The following TMEM87B variants were observed in gnomAD, a reference collection of about 807,000 sequenced individuals.
TMEM87B encodes transmembrane protein 87B.
TMEM87B carries 83 observed loss-of-function variants against 80.3 expected under a neutral mutation model. That is an observed-to-expected ratio of 1.03 (90% CI 0.87 to 1.24). The LOEUF is 1.24. TMEM87B is among the 50% of genes most tolerant of loss of function. The pLI, the probability that TMEM87B is intolerant of heterozygous loss-of-function variation, is 0.00. For missense variants in TMEM87B, 625 were observed against 674.4 expected, an observed-to-expected ratio of 0.93 and a Z score of 0.81; for synonymous variants, 219 against 230.5, an observed-to-expected ratio of 0.95 and a Z score of 0.45.
At position 112,098,667 on chromosome 2, in the gene TMEM87B, T is replaced by A; in HGVS notation, c.1345T>A (p.Phe449Ile). Residue 449 changes from phenylalanine to isoleucine, a missense_variant, in exon 14 of 19, where the codon TTT becomes ATT. Physicochemically the swap from Phe to Ile is conservative, Grantham distance 21. Coordinates refer to ENST00000283206, the MANE Select transcript of TMEM87B (RefSeq NM_032824.3). ...TTCGCTTATCCTTATTGTAATCATG[T>A]TTTTGTGGAGACCATCAGCAAACAA... ...LFSLILIVIM[F>I]LWRPSANNQR... 6.2e-7 allele frequency: 1 copy of A among 1,614,156 alleles called. No homozygotes were observed. Among genetic ancestry groups the A allele is most frequent in the Non-Finnish European group, 8.5e-7 (1 of 1,180,020 alleles).
intron 6 of TMEM87B, among the ~76,000 whole-genome samples, chr2:112,079,267 C>T (rs1011598200): frequency 2.0e-5 from 3 of 152,140 alleles, no homozygotes; most frequent in African/African-American, 7.2e-5. Flanking sequence ...CATCATCTGC[C>T]CATGCCTCCT....
rs138148746 is a variant in TMEM87B, at chr2:112,115,834, C to T, written c.1609-250C>T. ...AATTTTTTATAAGGATGAGGTCTCT[C>T]TATGTTGCCCAGGCCGGTCTCGAAC... On this transcript the variant is annotated intron_variant, in intron 18 of 18. Transcript: ENST00000283206. Among the ~76,000 whole-genome samples the T allele has an allele frequency of 1.5e-3, 224 of 152,256 alleles. 7 individuals carry two copies. The South Asian group carries it at 0.046, about 31-fold the overall frequency.
Position 112,097,250 on chromosome 2 carries a change from G to A in TMEM87B, c.1231G>A (p.Gly411Arg). The A allele has an allele frequency of 1.9e-6, 3 of 1,609,808 alleles. No homozygotes were observed. The highest frequency in any genetic ancestry group is 2.5e-6 in the Non-Finnish European group (3 of 1,178,944). The change falls in exon 13 of 19, where the codon GGG becomes AGG. Residue 411 changes from glycine (G) to arginine (R), a missense_variant. By Grantham distance (125) the Gly-to-Arg change is moderately radical. Coordinates refer to ENST00000283206, the MANE Select transcript of TMEM87B (RefSeq NM_032824.3). ...FAVLASIVFMGWTTKTFRIAK... is the reference protein window; with the variant it reads ...FAVLASIVFMRWTTKTFRIAK... Reference sequence around the variant, plus strand: ...TGTTTCAGCTTCTATAGTGTTTATGGGGTGGACAACTAAGACATTTAGAAT... The same window carrying A: ...TGTTTCAGCTTCTATAGTGTTTATGAGGTGGACAACTAAGACATTTAGAAT...
At chr2:112,110,182 T>C (rs1679875133) in intron 17 of TMEM87B, among the ~76,000 whole-genome samples, 1 of 152,224 alleles carries the variant, frequency 6.6e-6, no homozygotes, top group Non-Finnish European at 1.5e-5. Context: ...ACATTCTCTG[T>C]GATCCTTTTT....
intron 16 of TMEM87B, 125 bp from the exon 17 acceptor site, chr2:112,107,663 A>G: frequency 2.2e-6 from 1 of 450,770 alleles, no homozygotes. Context: ...AACTTAGGAC[A>G]TATGTAGAAA....
chr2:112,055,601 G>A lies in TMEM87B; in HGVS notation c.10G>A (p.Ala4Thr), dbSNP rs749230055. 4 of 1,514,116 alleles carry A rather than the reference G, an allele frequency of 2.6e-6. No individual in the cohort carries two copies. The highest frequency in any genetic ancestry group is 3.5e-6 in the Non-Finnish European group (4 of 1,133,332). 93.8% of individuals were successfully genotyped at this position (1,514,116 alleles called of 1,614,324 possible). The change falls in exon 1 of 19, where the codon GCC becomes ACC. Residue 4 changes from alanine to threonine, a missense_variant. By Grantham distance (58) the Ala-to-Thr change is moderately conservative. Transcript: ENST00000283206. ...CAGCTTCCTGGTCAAGATGGTCGCC[G>A]CCTGCCGCTCGGTAGCCGGGCTCCT... is the stretch of plus-strand genomic sequence containing the variant. MVA[A>T]CRSVAGLLPR...
At chr2:112,076,587 A>C (rs62157837) in intron 5 of TMEM87B, among the ~76,000 whole-genome samples, 13,847 of 151,982 alleles carry the variant, frequency 0.091, 826 homozygotes, top group South Asian at 0.15. Flanking sequence ...TGATCCACCC[A>C]CCTCGGCCTC....
intron 1 of TMEM87B, among the ~76,000 whole-genome samples, chr2:112,057,252 A>C (rs1460477220): frequency 5.9e-5 from 9 of 152,140 alleles, no homozygotes; most frequent in Non-Finnish European, 1.3e-4. Context: ...TTGTACTGCA[A>C]ATCTATCAGG....
chr2:112,116,221 A>G lies in TMEM87B; in HGVS notation c.*78A>G, dbSNP rs1246995293. The G allele has an allele frequency of 8.5e-6, 11 of 1,288,458 alleles. No homozygotes were observed. The highest frequency in any genetic ancestry group is 1.5e-5 in the African/African-American group (1 of 67,232). 79.8% of individuals were successfully genotyped at this position (1,288,458 alleles called of 1,614,324 possible). A position where few individuals can be genotyped will look rare whatever the true frequency, so the allele number is the denominator to read the frequency against. ...GACTGAAAGTGAGCTTTGATTTGAT[A>G]TTGCCTAAAAATTTTTATTGTGTTA... On this transcript the variant is annotated 3_prime_UTR_variant, in exon 19 of 19. Transcript: ENST00000283206.
In TMEM87B at chr2:112,097,255, G is replaced by T. The variant is rs777695505; in HGVS notation, c.1236G>T (p.Trp412Cys). Residue 412 changes from tryptophan to cysteine, a missense_variant, in exon 13 of 19, where the codon TGG becomes TGT. Physicochemically the swap from Trp to Cys is radical, Grantham distance 215. Coordinates refer to ENST00000283206, the MANE Select transcript of TMEM87B (RefSeq NM_032824.3). ...CAGCTTCTATAGTGTTTATGGGGTG[G>T]ACAACTAAGACATTTAGAATTGCAA... is the stretch of plus-strand genomic sequence containing the variant. ...AVLASIVFMGWTTKTFRIAKC... is the reference protein window; with the variant it reads ...AVLASIVFMGCTTKTFRIAKC... The T allele has an allele frequency of 1.2e-6, 2 of 1,608,492 alleles. No individual in the cohort carries two copies. The highest frequency in any genetic ancestry group is 1.7e-6 in the Non-Finnish European group (2 of 1,178,570).
intron 11 of TMEM87B, among the ~76,000 whole-genome samples, chr2:112,094,161 CTTTTTT>C (rs755031584): frequency 1.6e-5 from 2 of 128,760 alleles, no homozygotes; most frequent in African/African-American, 2.8e-5. Flanking sequence ...ATTTCTTGTT[CTTTTTT>C]TTTTTTTTTT....
At chr2:112,059,023 T>C (rs763369995) in intron 1 of TMEM87B, among the ~76,000 whole-genome samples, 1 of 152,218 alleles carries the variant, frequency 6.6e-6, no homozygotes, top group Non-Finnish European at 1.5e-5. Flanking sequence ...TCAGTGGACA[T>C]GTCCTTTAGG....
At chr2:112,102,800 A>T (rs2104500731) in intron 15 of TMEM87B, among the ~76,000 whole-genome samples, 1 of 152,336 alleles carries the variant, frequency 6.6e-6, no homozygotes, top group East Asian at 1.9e-4. Context: ...AGCCTCAGCA[A>T]ACTAATTCTA....
chr2:112,059,059 CAAAG>C (rs1678166479), intron 1 of TMEM87B, among the ~76,000 whole-genome samples: 2 of 152,156 alleles, frequency 1.3e-5, no homozygotes, highest in Admixed American at 6.5e-5. Context: ...ATCTGGAGCT[CAAAG>C]GAAGGATCCA....
chr2:112,055,286 A>C lies in TMEM87B; in HGVS notation c.-306A>C. ...CCTCTTCTATCTTCACGCCCACGCT[A>C]GGCCCTGAGCCCAGCCTCCACGTCT... On this transcript the variant is annotated 5_prime_UTR_variant, in exon 1 of 19. Transcript: ENST00000283206. 2.5e-6 allele frequency: 1 copy of C among 405,434 alleles called. No individual in the cohort carries two copies. The highest frequency in any genetic ancestry group is 4.4e-6 in the Non-Finnish European group (1 of 226,844). 25.1% of individuals were successfully genotyped at this position (405,434 alleles called of 1,614,324 possible).
intron 10 of TMEM87B, among the ~76,000 whole-genome samples, chr2:112,090,843 A>G (rs1481054832): frequency 4.6e-5 from 7 of 152,214 alleles, no homozygotes; most frequent in Non-Finnish European, 1.0e-4. Context: ...GATTAGCTGT[A>G]TAAATCAGAT....
In TMEM87B at chr2:112,057,144, G is replaced by A. The variant is rs139286464; in HGVS notation, c.165+1388G>A. On this transcript the variant is annotated intron_variant, in intron 1 of 18. Transcript: ENST00000283206. ...TTTTACTCCTGTGTGACCCTGGGCC[G>A]CCAGAAGTCTAAAAGCCCTTCTCTC... Among the ~76,000 whole-genome samples, 14 of 152,294 alleles carry A rather than the reference G, an allele frequency of 9.2e-5. 1 individual carries two copies. In the East Asian group the frequency reaches 2.7e-3, roughly 29 times the overall value.
intron 2 of TMEM87B, among the ~76,000 whole-genome samples, chr2:112,063,012 C>T (rs1458175987): frequency 6.6e-6 from 1 of 152,194 alleles, no homozygotes. Flanking sequence ...TGGGTACTGT[C>T]CCCCAGAAAA....
chr2:112,073,241 G>A (rs1296855495), intron 4 of TMEM87B, among the ~76,000 whole-genome samples: 1 of 152,116 alleles, frequency 6.6e-6, no homozygotes, highest in Middle Eastern at 3.2e-3. Context: ...TGGGCGTTTA[G>A]TGCTGTAAAT....
Sources: allele counts gnomAD v4.1 joint callset (sites outside exome capture counted in the v4.1 genomes callset), GRCh38; gene constraint gnomAD v4.1.1; transcripts MANE v1.5; gene names NCBI Gene and HGNC (gene_info 2026-07-23, HGNC 2026-07-21).